The following NPTXR variants were observed in gnomAD, a reference collection of about 807,000 sequenced individuals.
NPTXR encodes the protein neuronal pentraxin receptor.
A neutral mutation model predicts 32.2 loss-of-function variants in NPTXR; 12 were observed. The ratio of observed to expected loss-of-function variants is 0.37; its 90% confidence interval spans 0.24 to 0.60. NPTXR has a LOEUF of 0.60. Among genes scored for constraint, NPTXR ranks in the 20% least tolerant of loss-of-function variants. The probability of loss-of-function intolerance (pLI) is 0.66; values close to 1 mark genes in which losing one functional copy is unlikely to be tolerated. For missense variants in NPTXR, 612 were observed against 682.9 expected (o/e 0.90, Z 1.16); for synonymous variants, 323 against 315.8 (o/e 1.02, Z -0.24).
Position 38,834,170 on chromosome 22 carries a change from C to A in NPTXR, c.625-5658G>T, listed in dbSNP as rs1007725398. Among the ~76,000 whole-genome samples, 2 of 152,122 alleles carry A rather than the reference C, an allele frequency of 1.3e-5. No individual in the cohort carries two copies. The highest frequency in any genetic ancestry group is 4.8e-5 in the African/African-American group (2 of 41,394). On this transcript the variant is annotated intron_variant, in intron 1 of 4. Coordinates refer to ENST00000333039, the MANE Select transcript of NPTXR (RefSeq NM_014293.4). The surrounding 1 kb of genome is among the most constrained non-coding windows in gnomAD (Gnocchi z 4.4). Reference sequence around the variant, plus strand: ...GCTTCACTCAGCTCCTAGCCTTCTCCCTAGTCCTGGCTACTCTCCGCTGGA... The same window carrying A: ...GCTTCACTCAGCTCCTAGCCTTCTCACTAGTCCTGGCTACTCTCCGCTGGA...
rs1178392169 is a variant in NPTXR at position 38,843,602 on chromosome 22, G to A, written c.257C>T (p.Pro86Leu). The change falls in exon 1 of 5, where the codon CCG (proline) becomes CTG (leucine). Residue 86 changes from proline (P) to leucine (L), a missense_variant. By Grantham distance (98) the Pro-to-Leu change is moderately conservative. Transcript: ENST00000333039. The surrounding 1 kb of genome is among the most constrained non-coding windows in gnomAD (Gnocchi z 5.3). ...GAAGCGGCTGAACAGGGGCCCGGGC[G>A]GCAGCGGGTGCGCGCTGGCCGCGGG... 8 of 1,182,158 alleles carry A rather than the reference G, an allele frequency of 6.8e-6. No homozygotes were observed. The highest frequency in any genetic ancestry group is 4.1e-5 in the South Asian group (1 of 24,274). The allele number at this position is 1,182,158 out of a possible 1,614,324, so 73.2% of individuals were successfully genotyped here. A position where few individuals can be genotyped will look rare whatever the true frequency, so the allele number is the denominator to read the frequency against.
rs771195311 is a variant in NPTXR at position 38,828,346 on chromosome 22, C to T, written c.791G>A (p.Arg264Lys). The T allele has an allele frequency of 1.7e-5, 27 of 1,613,376 alleles. No homozygotes were observed. The highest frequency in any genetic ancestry group is 2.3e-5 in the Non-Finnish European group (27 of 1,180,048). ...GTCCAACTCCTTTTCCACTTCCTGC[C>T]TCTGCCGGCGGCTGCTGTGGCTGAG... The change falls in exon 2 of 5, where the codon AGG becomes AAG. Residue 264 changes from arginine to lysine, a missense_variant. By Grantham distance (26) the Arg-to-Lys change is conservative (BLOSUM62 2). Coordinates refer to ENST00000333039, the MANE Select transcript of NPTXR (RefSeq NM_014293.4).
intron 1 of NPTXR, among the ~76,000 whole-genome samples, chr22:38,830,723 C>G (rs971756746): frequency 3.3e-5 from 5 of 152,164 alleles, no homozygotes; most frequent in African/African-American, 4.8e-5. Context: ...ACTCAGCAAC[C>G]CCCCTCTTCT....
At chr22:38,842,555 T>TGGA (rs1049459469) in intron 1 of NPTXR, among the ~76,000 whole-genome samples, 1 of 151,692 alleles carries the variant, frequency 6.6e-6, no homozygotes, top group South Asian at 2.1e-4. Context: ...GAAAAGTGAG[T>TGGA]GGAGGAGGAG....
intron 3 of NPTXR, 80 bp from the exon 4 acceptor site, chr22:38,823,342 G>C: frequency 7.4e-7 from 1 of 1,351,170 alleles, no homozygotes; most frequent in Non-Finnish European, 1.0e-6. Context: ...GGTGGGGCTG[G>C]GGAGACCCAT....
chr22:38,839,771 G>A (rs1020673013), intron 1 of NPTXR, among the ~76,000 whole-genome samples: 4 of 152,118 alleles, frequency 2.6e-5, no homozygotes, highest in African/African-American at 9.7e-5. Context: ...GTATGAAATG[G>A]ATCCTGCAAT....
At chr22:38,832,837 C>T (rs989335781) in intron 1 of NPTXR, among the ~76,000 whole-genome samples, 1 of 151,766 alleles carries the variant, frequency 6.6e-6, no homozygotes, top group African/African-American at 2.4e-5. Context: ...CCCTGCCTAA[C>T]TCGAAGGCAA....
At chr22:38,835,916 T>A (rs562269136) in intron 1 of NPTXR, among the ~76,000 whole-genome samples, 1 of 152,140 alleles carries the variant, frequency 6.6e-6, no homozygotes, top group African/African-American at 2.4e-5. Context: ...CCCAAGACTG[T>A]CCTGGGGAGA....
intron 2 of NPTXR, among the ~76,000 whole-genome samples, chr22:38,827,320 A>C (rs1603245187): frequency 7.9e-6 from 1 of 126,398 alleles, no homozygotes; most frequent in Non-Finnish European, 1.6e-5. Flanking sequence ...TGCGACCTTC[A>C]CCTCCCAGGC....
chr22:38,827,572 G>T (rs1764000553), intron 2 of NPTXR, among the ~76,000 whole-genome samples: 1 of 152,120 alleles, frequency 6.6e-6, no homozygotes, highest in Non-Finnish European at 1.5e-5. Context: ...CCCCATGTAA[G>T]CTGGTCCCAG....
chr22:38,835,846 G>A (rs2093123114), intron 1 of NPTXR, among the ~76,000 whole-genome samples: 1 of 152,114 alleles, frequency 6.6e-6, no homozygotes, highest in Non-Finnish European at 1.5e-5. Flanking sequence ...GCACATAAGT[G>A]CTCCCACCTT....
At chr22:38,837,845 T>TTTTTAGTTTATTTTATTTTA (rs2093126280) in intron 1 of NPTXR, among the ~76,000 whole-genome samples, 1 of 139,898 alleles carries the variant, frequency 7.1e-6, no homozygotes, top group African/African-American at 2.6e-5. Flanking sequence ...TTATTTTTAT[T>TTTTTAGTTTATTTTATTTTA]TTTTATTTTA....
In NPTXR at chr22:38,843,700, CG is replaced by C; in HGVS notation, c.158del (p.Pro53ArgfsTer7). The C allele has an allele frequency of 1.0e-6, 1 of 995,606 alleles. No homozygotes were observed. The highest frequency in any genetic ancestry group is 1.2e-6 in the Non-Finnish European group (1 of 838,654). The allele number at this position is 995,606 out of a possible 1,614,324, so 61.7% of individuals were successfully genotyped here. ...GCGCGCTCAGGCTCCGCTGCGGGCCCGGGGACGCGGCGGCGCCCGAGGCGAC... is the reference window on the plus strand; with the variant it reads ...GCGCGCTCAGGCTCCGCTGCGGGCCCGGGACGCGGCGGCGCCCGAGGCGAC... On this transcript the variant is annotated frameshift_variant, in exon 1 of 5. Coordinates refer to ENST00000333039, the MANE Select transcript of NPTXR (RefSeq NM_014293.4). LOFTEE classifies it high-confidence loss of function. The surrounding 1 kb of genome is among the most constrained non-coding windows in gnomAD (Gnocchi z 5.3).
At position 38,820,038 on chromosome 22, in the gene NPTXR, C is replaced by A. The variant is rs1208484779; in HGVS notation, c.*2571G>T. 6.6e-6 allele frequency: 1 copy of A among 152,588 alleles called. No individual in the cohort carries two copies. The highest frequency in any genetic ancestry group is 1.9e-4 in the East Asian group (1 of 5,198). 9.5% of individuals were successfully genotyped at this position (152,588 alleles called of 1,614,324 possible). On this transcript the variant is annotated 3_prime_UTR_variant, in exon 5 of 5. Transcript: ENST00000333039. ...TGTCACCTCCTTCCTAAGACCCCAT[C>A]CTTCTCCCAAGTCCTCCACAAGAGC... is the stretch of plus-strand genomic sequence containing the variant.
chr22:38,826,134 C>T lies in NPTXR; in HGVS notation c.1098+366G>A, dbSNP rs142085159. Among the ~76,000 whole-genome samples, 69 of 152,274 alleles carry T rather than the reference C, an allele frequency of 4.5e-4. No individual in the cohort carries two copies. In the East Asian group the frequency reaches 4.8e-3, roughly 11 times the overall value. The stretch of plus-strand genomic sequence containing the variant: ...CTGGGATTACAGGCATGAGCCAGTG[C>T]GCCCGGCCACCTCCCTTCTCTTTAA... On this transcript the variant is annotated intron_variant, in intron 3 of 4. Coordinates refer to ENST00000333039, the MANE Select transcript of NPTXR (RefSeq NM_014293.4).
At chr22:38,838,689 C>G (rs2093127816) in intron 1 of NPTXR, among the ~76,000 whole-genome samples, 1 of 150,352 alleles carries the variant, frequency 6.7e-6, no homozygotes, top group Admixed American at 6.7e-5. Flanking sequence ...TCACGTCATT[C>G]TCCTGCCTCA....
At chr22:38,824,547 T>C (rs1443034357) in intron 3 of NPTXR, among the ~76,000 whole-genome samples, 1 of 152,208 alleles carries the variant, frequency 6.6e-6, no homozygotes, top group Non-Finnish European at 1.5e-5. Context: ...GGATCCACCA[T>C]TCCATTGCTA....
Position 38,834,546 on chromosome 22 carries a change from T to C in NPTXR, c.625-6034A>G, listed in dbSNP as rs1290729716. On this transcript the variant is annotated intron_variant, in intron 1 of 4. Transcript: ENST00000333039. The surrounding 1 kb of genome is among the most constrained non-coding windows in gnomAD (Gnocchi z 4.4). ...GCTCTATAGAGAGAGAAGAGGGCCC[T>C]GAGAGCTTCTCTGGCAGGGCTGCAG... Among the ~76,000 whole-genome samples, 6 of 146,804 alleles carry C rather than the reference T, an allele frequency of 4.1e-5. No homozygotes were observed. Among genetic ancestry groups the C allele is most frequent in the Non-Finnish European group, 7.5e-5 (5 of 66,882 alleles).
At chr22:38,828,587 C>A in intron 1 of NPTXR, 75 bp from the exon 2 acceptor site, 2 of 1,265,676 alleles carry the variant, frequency 1.6e-6, no homozygotes, top group Non-Finnish European at 2.2e-6. Flanking sequence ...ATGCCTACCG[C>A]CCCTGCTCAG....
Sources: gnomAD v4.1 joint callset for allele counts (sites outside exome capture counted in the v4.1 genomes callset) on GRCh38, gnomAD v4.1.1 for gene constraint, Gnocchi (gnomAD v3.1) non-coding constraint, MANE v1.5 for transcripts, NCBI Gene and HGNC (gene_info 2026-07-23, HGNC 2026-07-21) for gene names.